The following RGS7 variants were observed in gnomAD, a reference collection of about 807,000 sequenced individuals.
The protein encoded by RGS7 is regulator of G protein signaling 7.
Under a neutral mutation model 81.1 loss-of-function variants are expected in RGS7, and 27 were observed. The ratio of observed to expected loss-of-function variants is 0.33; its 90% confidence interval spans 0.25 to 0.46. The LOEUF (loss-of-function observed/expected upper bound fraction) is 0.46. Among genes scored for constraint, RGS7 ranks in the 20% least tolerant of loss-of-function variants. RGS7 has a pLI of 1.00. For missense variants in RGS7, 396 were observed against 607.4 expected (o/e 0.65, Z 3.66); for synonymous variants, 208 against 207.7 (o/e 1.00, Z -0.01).
intron 3 of RGS7, among the ~76,000 whole-genome samples, chr1:241,044,000 C>T (rs1224465043): frequency 6.6e-6 from 1 of 152,104 alleles, no homozygotes; most frequent in Non-Finnish European, 1.5e-5. Context: ...ATTTCAACAA[C>T]CTACTACAAT....
chr1:241,034,262 A>G (rs1324909943), intron 3 of RGS7, among the ~76,000 whole-genome samples: 2 of 152,342 alleles, frequency 1.3e-5, no homozygotes, highest in East Asian at 3.9e-4. Flanking sequence ...CATATTTGTG[A>G]AAGAATAAGC....
intron 2 of RGS7, among the ~76,000 whole-genome samples, chr1:241,320,342 G>A (rs1021622825): frequency 6.6e-6 from 1 of 152,138 alleles, no homozygotes; most frequent in South Asian, 2.1e-4. Flanking sequence ...TCATCCTTCG[G>A]AGAGATCCCT....
In RGS7 at chr1:241,168,951, G is replaced by C. The variant is rs556775241; in HGVS notation, c.79-70189C>G. On this transcript the variant is annotated intron_variant, in intron 2 of 18. Transcript: ENST00000440928. ...ACCTGAAGAAGCTAGGAAGTGGATCGTTCCTCTCAGAGCCTTCACATAAGA... is the reference window on the plus strand; with the variant it reads ...ACCTGAAGAAGCTAGGAAGTGGATCCTTCCTCTCAGAGCCTTCACATAAGA... 3.3e-5 allele frequency among the ~76,000 whole-genome samples: 5 copies of C among 152,258 alleles called. No homozygotes were observed. The South Asian group carries it at 1.0e-3, about 32-fold the overall frequency.
chr1:241,348,154 A>G (rs2083022025), intron 2 of RGS7, among the ~76,000 whole-genome samples: 1 of 152,236 alleles, frequency 6.6e-6, no homozygotes, highest in Non-Finnish European at 1.5e-5. Flanking sequence ...TCAGGTGTTC[A>G]GTTACCTCAC....
chr1:241,235,682 TTCTC>T (rs1008735748), intron 2 of RGS7, among the ~76,000 whole-genome samples: 5 of 28,206 alleles, frequency 1.8e-4, no homozygotes, highest in Admixed American at 3.2e-4. Flanking sequence ...CTCTCTTTCT[TTCTC>T]TCTCTCTTTC....
chr1:240,887,353 C>T (rs948750611), intron 6 of RGS7, among the ~76,000 whole-genome samples: 26 of 151,690 alleles, frequency 1.7e-4, no homozygotes, highest in East Asian at 7.8e-4. Context: ...CTCAGCCTCC[C>T]GAGTAGCTGG....
chr1:241,220,217 TA>T (rs2074812203), intron 2 of RGS7, among the ~76,000 whole-genome samples: 1 of 152,196 alleles, frequency 6.6e-6, no homozygotes, highest in Non-Finnish European at 1.5e-5. Flanking sequence ...ACTCTGCTAA[TA>T]AAAGAAACTT....
chr1:241,139,707 G>A (rs1311581242), intron 2 of RGS7, among the ~76,000 whole-genome samples: 7 of 152,172 alleles, frequency 4.6e-5, no homozygotes. Context: ...TGAGTGTTTA[G>A]TGGTATCTCA....
chr1:240,908,926 G>A (rs1482464389), intron 6 of RGS7, among the ~76,000 whole-genome samples: 4 of 152,178 alleles, frequency 2.6e-5, no homozygotes, highest in Non-Finnish European at 5.9e-5. Flanking sequence ...GAAACAACAT[G>A]CAAAAAGGTT....
intron 3 of RGS7, among the ~76,000 whole-genome samples, chr1:240,989,348 G>A (rs1193832960): frequency 4.0e-5 from 6 of 151,846 alleles, no homozygotes; most frequent in Admixed American, 3.3e-4. Flanking sequence ...GCTGAGGCAG[G>A]AGAATCAAAC....
intron 2 of RGS7, among the ~76,000 whole-genome samples, chr1:241,183,444 C>T (rs2071812378): frequency 6.6e-6 from 1 of 152,126 alleles, no homozygotes; most frequent in South Asian, 2.1e-4. Flanking sequence ...TGTAGATACC[C>T]AAAGTACAAT....
intron 2 of RGS7, among the ~76,000 whole-genome samples, chr1:241,290,261 G>T (rs2079021189): frequency 6.6e-6 from 1 of 152,216 alleles, no homozygotes; most frequent in Non-Finnish European, 1.5e-5. Context: ...ATGCCAAAAT[G>T]TGTGATTCAG....
At chr1:240,791,305 A>T (rs1685965783) in intron 18 of RGS7, among the ~76,000 whole-genome samples, 1 of 152,218 alleles carries the variant, frequency 6.6e-6, no homozygotes. Flanking sequence ...GACAACAGCC[A>T]TCAAAATATG....
chr1:241,259,406 G>C (rs1573391226), intron 2 of RGS7, among the ~76,000 whole-genome samples: 2 of 151,926 alleles, frequency 1.3e-5, no homozygotes, highest in Middle Eastern at 6.8e-3. Context: ...TGTAATCCCA[G>C]CACTTTGGGA....
At chr1:241,001,254 C>T (rs547608538) in intron 3 of RGS7, among the ~76,000 whole-genome samples, 2 of 152,172 alleles carry the variant, frequency 1.3e-5, no homozygotes, top group South Asian at 2.1e-4. Flanking sequence ...ATGTTAGCAT[C>T]TCTTCCATCC....
At chr1:241,284,816 C>T (rs1345935646) in intron 2 of RGS7, among the ~76,000 whole-genome samples, 1 of 152,106 alleles carries the variant, frequency 6.6e-6, no homozygotes, top group Non-Finnish European at 1.5e-5. Context: ...TAGTGTTTGG[C>T]TGGAGTAAAG....
chr1:240,978,328 A>AG (rs1684447376), intron 4 of RGS7, among the ~76,000 whole-genome samples: 1 of 152,192 alleles, frequency 6.6e-6, no homozygotes, highest in African/African-American at 2.4e-5. Flanking sequence ...TACCTAAAAT[A>AG]CTCAACTTAA....
intron 18 of RGS7, among the ~76,000 whole-genome samples, chr1:240,792,069 A>C (rs1349082928): frequency 1.3e-5 from 2 of 152,206 alleles, no homozygotes. Context: ...CCATAATATG[A>C]GATTCAGATC....
chr1:241,058,527 G>A (rs1333201084), intron 3 of RGS7, among the ~76,000 whole-genome samples: 1 of 152,134 alleles, frequency 6.6e-6, no homozygotes, highest in East Asian at 1.9e-4. Context: ...GGGAAGAATC[G>A]AGGTTGCTGA....
Sources: gnomAD v4.1 joint callset for allele counts (sites outside exome capture counted in the v4.1 genomes callset) on GRCh38, gnomAD v4.1.1 for gene constraint, MANE v1.5 for transcripts, NCBI Gene and HGNC (gene_info 2026-07-23, HGNC 2026-07-21) for gene names.